Variants in MARCHF11 observed in about 807,000 individuals in gnomAD.
MARCHF11 encodes the protein E3 ubiquitin-protein ligase MARCHF11.
MARCHF11 carries 29 observed loss-of-function variants against 37.3 expected under a neutral mutation model. The observed-to-expected ratio is 0.78, with a 90% CI of 0.58 to 1.06. The LOEUF is 1.06. Among genes scored for constraint, MARCHF11 ranks in the 50% least tolerant of loss-of-function variants. The probability of loss-of-function intolerance (pLI) is 0.00; values close to 1 mark genes in which losing one functional copy is unlikely to be tolerated. For synonymous variants in MARCHF11, 233 were observed against 228.0 expected, an observed-to-expected ratio of 1.02 and a Z score of -0.20; for missense variants, 482 against 533.4, an observed-to-expected ratio of 0.90 and a Z score of 0.95.
chr5:16,158,648 G>T (rs539432065), intron 2 of MARCHF11, among the ~76,000 whole-genome samples: 77 of 151,926 alleles, frequency 5.1e-4, no homozygotes, highest in Admixed American at 2.8e-3. Context: ...ATAAGCTCAG[G>T]AGATCTATTG....
At chr5:16,175,483 G>A (rs1738340926) in intron 2 of MARCHF11, among the ~76,000 whole-genome samples, 1 of 152,180 alleles carries the variant, frequency 6.6e-6, no homozygotes, top group African/African-American at 2.4e-5. Context: ...GACTGACTAA[G>A]TCTGAATCTT....
intron 2 of MARCHF11, among the ~76,000 whole-genome samples, chr5:16,103,548 C>A (rs1736993492): frequency 6.6e-6 from 1 of 152,196 alleles, no homozygotes. Context: ...TAGTCCTGTT[C>A]TTGCTTCCTG....
intron 2 of MARCHF11, among the ~76,000 whole-genome samples, chr5:16,094,584 G>A (rs1292634020): frequency 6.6e-6 from 1 of 152,060 alleles, no homozygotes; most frequent in Non-Finnish European, 1.5e-5. Flanking sequence ...GGAAAGAAAA[G>A]TAATATAACA....
At chr5:16,130,247 T>TAC (rs1195090115) in intron 2 of MARCHF11, among the ~76,000 whole-genome samples, 2 of 137,428 alleles carry the variant, frequency 1.5e-5, no homozygotes, top group African/African-American at 3.0e-5. Flanking sequence ...AAATTCCAGG[T>TAC]ACATACACAC....
intron 2 of MARCHF11, among the ~76,000 whole-genome samples, chr5:16,119,533 A>G (rs1737278745): frequency 6.6e-6 from 1 of 152,092 alleles, no homozygotes; most frequent in South Asian, 2.1e-4. Flanking sequence ...TGGGAGAGAC[A>G]TCACCCAGGG....
chr5:16,069,352 T>G (rs1305055163), intron 3 of MARCHF11, among the ~76,000 whole-genome samples: 1 of 152,018 alleles, frequency 6.6e-6, no homozygotes, highest in Non-Finnish European at 1.5e-5. Context: ...TTCATGGTAG[T>G]GAAGAAGGAA....
chr5:16,141,694 G>A (rs1737710760), intron 2 of MARCHF11: 1 of 152,174 alleles, frequency 6.6e-6, no homozygotes, highest in African/African-American at 2.4e-5. Context: ...GTAAATTGTT[G>A]TTTTTAAAAT....
chr5:16,155,785 A>G (rs936522803), intron 2 of MARCHF11, among the ~76,000 whole-genome samples: 1 of 151,944 alleles, frequency 6.6e-6, no homozygotes, highest in Non-Finnish European at 1.5e-5. Context: ...AGAGCTCAAT[A>G]AATGGCAGCT....
intron 2 of MARCHF11, among the ~76,000 whole-genome samples, chr5:16,127,727 T>C (rs1444492261): frequency 6.6e-6 from 1 of 152,170 alleles, no homozygotes; most frequent in East Asian, 1.9e-4. Flanking sequence ...ATGCCTAGTA[T>C]GTTGTAGGAG....
At chr5:16,083,519 T>C (rs1736646681) in intron 3 of MARCHF11, among the ~76,000 whole-genome samples, 1 of 152,212 alleles carries the variant, frequency 6.6e-6, no homozygotes, top group African/African-American at 2.4e-5. Context: ...CATGAACCTG[T>C]GTGGCAATGA....
intron 2 of MARCHF11, among the ~76,000 whole-genome samples, chr5:16,162,719 G>A (rs1459013097): frequency 6.6e-6 from 1 of 151,482 alleles, no homozygotes; most frequent in Non-Finnish European, 1.5e-5. Flanking sequence ...CTAGAATACT[G>A]GTATCTAGTA....
At chr5:16,155,438 T>G (rs1267790064) in intron 2 of MARCHF11, among the ~76,000 whole-genome samples, 1 of 151,808 alleles carries the variant, frequency 6.6e-6, no homozygotes, top group Non-Finnish European at 1.5e-5. Context: ...ATTTAAATTT[T>G]AAAATATATA....
chr5:16,086,132 C>T (rs1314081796), intron 3 of MARCHF11, among the ~76,000 whole-genome samples: 1 of 152,034 alleles, frequency 6.6e-6, no homozygotes, highest in African/African-American at 2.4e-5. Context: ...CATTGTTGTA[C>T]ATCTGTCATA....
chr5:16,163,277 T>C (rs1033888387), intron 2 of MARCHF11, among the ~76,000 whole-genome samples: 14 of 151,680 alleles, frequency 9.2e-5, no homozygotes, highest in African/African-American at 2.2e-4. Context: ...AAGGAGAAAA[T>C]AGGGAAAAAC....
chr5:16,092,995 T>A (rs1170379293), intron 2 of MARCHF11, among the ~76,000 whole-genome samples: 1 of 152,208 alleles, frequency 6.6e-6, no homozygotes, highest in African/African-American at 2.4e-5. Context: ...TTGTTTTGAA[T>A]GCAATATGGT....
At chr5:16,103,860 G>A (rs549234592) in intron 2 of MARCHF11, among the ~76,000 whole-genome samples, 13 of 152,146 alleles carry the variant, frequency 8.5e-5, no homozygotes, top group African/African-American at 3.1e-4. Flanking sequence ...GACGCCATGT[G>A]GAGAGGAAGA....
At chr5:16,132,031 G>A (rs1005183314) in intron 2 of MARCHF11, among the ~76,000 whole-genome samples, 63 of 152,212 alleles carry the variant, frequency 4.1e-4, no homozygotes, top group African/African-American at 1.5e-3. Flanking sequence ...GGCTACGGGG[G>A]ATTCATTTCA....
rs2126613858 is a variant in MARCHF11 at position 16,177,901 on chromosome 5, G to T, written c.538-20C>A. ...CTCACCCTAAAAAGAAAACAGCTCA[G>T]TGTGAATATCTGTGTCTGTGTCTCT... is the stretch of plus-strand genomic sequence containing the variant. On this transcript the variant is annotated intron_variant, in intron 1 of 3. Transcript: ENST00000332432. The T allele has an allele frequency of 1.9e-6, 3 of 1,595,850 alleles. No individual in the cohort carries two copies. In the South Asian group the frequency reaches 3.4e-5, roughly 18 times the overall value.
intron 2 of MARCHF11, among the ~76,000 whole-genome samples, chr5:16,164,119 T>C (rs990468762): frequency 6.6e-6 from 1 of 152,076 alleles, no homozygotes; most frequent in African/African-American, 2.4e-5. Flanking sequence ...TTATCCAGTC[T>C]GGTGTAGTTT....
Sources: gnomAD v4.1 joint callset for allele counts (sites outside exome capture counted in the v4.1 genomes callset) on GRCh38, gnomAD v4.1.1 for gene constraint, MANE v1.5 for transcripts, NCBI Gene and HGNC (gene_info 2026-07-23, HGNC 2026-07-21) for gene names.